Variants in TNR observed in about 807,000 individuals in gnomAD.
TNR encodes tenascin R.
In TNR, 45 loss-of-function variants were observed where a neutral mutation model predicts 150.4. That is an observed-to-expected ratio of 0.30 (90% CI 0.24 to 0.38). TNR has a LOEUF of 0.38. Ranked by LOEUF, TNR falls within the 10% of genes least tolerant of loss-of-function variation. The pLI is 1.00. For synonymous variants in TNR, 687 were observed against 678.4 expected, an observed-to-expected ratio of 1.01 and a Z score of -0.20; for missense variants, 1,544 against 1,759.1, an observed-to-expected ratio of 0.88 and a Z score of 2.19.
At chr1:175,490,443 T>C (rs1344796659) in intron 2 of TNR, among the ~76,000 whole-genome samples, 1 of 152,078 alleles carries the variant, frequency 6.6e-6, no homozygotes, top group African/African-American at 2.4e-5. Flanking sequence ...GACAACCTAC[T>C]GAATGGGAGA....
At chr1:175,328,696 C>T (rs994625125) in intron 21 of TNR, among the ~76,000 whole-genome samples, 14 of 152,162 alleles carry the variant, frequency 9.2e-5, no homozygotes, top group African/African-American at 1.4e-4. Context: ...ATGAGAATAG[C>T]GCACAGTCCA....
intron 14 of TNR, 114 bp downstream of exon 14, chr1:175,362,549 G>A (rs939061972): frequency 1.5e-6 from 2 of 1,344,168 alleles, no homozygotes; most frequent in African/African-American, 1.4e-5. Context: ...CAGTGAGTTG[G>A]AGGAGCACCC....
At chr1:175,364,515 G>C (rs921523802) in intron 12 of TNR, among the ~76,000 whole-genome samples, 1 of 152,162 alleles carries the variant, frequency 6.6e-6, no homozygotes, top group Non-Finnish European at 1.5e-5. Flanking sequence ...ATTCATCTCT[G>C]AGTGCCTGTG....
intron 2 of TNR, among the ~76,000 whole-genome samples, chr1:175,524,496 T>C (rs963402714): frequency 6.6e-6 from 1 of 151,672 alleles, no homozygotes; most frequent in Non-Finnish European, 1.5e-5. Context: ...TGAAAGAAAA[T>C]GCAAGTGAGG....
intron 1 of TNR, among the ~76,000 whole-genome samples, chr1:175,741,121 G>A (rs1198266786): frequency 1.3e-5 from 2 of 152,212 alleles, no homozygotes; most frequent in African/African-American, 4.8e-5. Flanking sequence ...TCCACACTGA[G>A]TTCCCTAAAA....
intron 1 of TNR, among the ~76,000 whole-genome samples, chr1:175,562,543 G>C (rs1398842343): frequency 6.6e-6 from 1 of 152,238 alleles, no homozygotes; most frequent in Non-Finnish European, 1.5e-5. Flanking sequence ...ATTCTAAATG[G>C]AAAGGTTATG....
At chr1:175,325,785 G>T (rs1329546030) in intron 21 of TNR, among the ~76,000 whole-genome samples, 1 of 151,448 alleles carries the variant, frequency 6.6e-6, no homozygotes, top group African/African-American at 2.4e-5. Flanking sequence ...ACCAAACACA[G>T]CATGTTCTCA....
chr1:175,414,955 A>G (rs1461312259), intron 2 of TNR, among the ~76,000 whole-genome samples: 2 of 149,230 alleles, frequency 1.3e-5, no homozygotes, highest in Admixed American at 6.7e-5. Flanking sequence ...AAAAAAAAAA[A>G]GGTGCAGGAG....
At chr1:175,742,801 T>C (rs1472343002) in intron 1 of TNR, among the ~76,000 whole-genome samples, 5 of 152,148 alleles carry the variant, frequency 3.3e-5, no homozygotes, top group African/African-American at 7.2e-5. Context: ...CCTTTGCAAC[T>C]CTTTCCCACC....
At chr1:175,388,609 G>T (rs554522896) in intron 7 of TNR, among the ~76,000 whole-genome samples, 25 of 152,204 alleles carry the variant, frequency 1.6e-4, no homozygotes, top group African/African-American at 5.3e-4. Flanking sequence ...TCTGCCCTTT[G>T]TTGGCCACTT....
At chr1:175,356,276 A>G (rs750373279) in intron 16 of TNR, 43 bp downstream of exon 16, 2 of 1,610,202 alleles carry the variant, frequency 1.2e-6, no homozygotes, top group African/African-American at 2.7e-5. Context: ...CATTTCCACA[A>G]AAGTCCCCAG....
At chr1:175,685,240 C>A (rs1666154245) in intron 1 of TNR, among the ~76,000 whole-genome samples, 1 of 152,114 alleles carries the variant, frequency 6.6e-6, no homozygotes, top group Non-Finnish European at 1.5e-5. Flanking sequence ...CTTGCTTTTT[C>A]CTAAGTACTC....
chr1:175,370,241 T>C (rs1001948023), intron 9 of TNR, among the ~76,000 whole-genome samples: 2 of 151,974 alleles, frequency 1.3e-5, no homozygotes, highest in South Asian at 4.2e-4. Context: ...ATGAGGATTA[T>C]ATGAGTCAAA....
intron 1 of TNR, among the ~76,000 whole-genome samples, chr1:175,718,261 C>A (rs564428898): frequency 1.3e-5 from 2 of 152,278 alleles, no homozygotes; most frequent in South Asian, 2.1e-4. Flanking sequence ...TTCCCCAGCA[C>A]CCCCTGTCCT....
At chr1:175,441,551 G>C (rs1655789238) in intron 2 of TNR, among the ~76,000 whole-genome samples, 1 of 152,078 alleles carries the variant, frequency 6.6e-6, no homozygotes, top group Non-Finnish European at 1.5e-5. Context: ...TTATAGACAT[G>C]GACAACATTC....
intron 2 of TNR, among the ~76,000 whole-genome samples, chr1:175,467,169 C>T (rs1657070963): frequency 6.6e-6 from 1 of 152,068 alleles, no homozygotes; most frequent in Non-Finnish European, 1.5e-5. Flanking sequence ...TTTCTAAGTG[C>T]CCTAGAGTCC....
intron 1 of TNR, among the ~76,000 whole-genome samples, chr1:175,531,873 G>T (rs1660083567): frequency 1.3e-5 from 2 of 152,248 alleles, no homozygotes; most frequent in Non-Finnish European, 2.9e-5. Flanking sequence ...TGTAGCATGG[G>T]CTCCCTGCCC....
chr1:175,583,229 A>G (rs10913019), intron 1 of TNR, among the ~76,000 whole-genome samples: 19,508 of 152,050 alleles, frequency 0.13, 1,530 homozygotes, highest in African/African-American at 0.22. Flanking sequence ...ACAGGTGGCC[A>G]TAGTTTGAAA....
chr1:175,437,994 T>C (rs548425660), intron 2 of TNR, among the ~76,000 whole-genome samples: 6 of 152,016 alleles, frequency 3.9e-5, no homozygotes, highest in Non-Finnish European at 8.8e-5. Flanking sequence ...TTCCAGTCAA[T>C]AGAAAAAGAG....
Sources: allele counts gnomAD v4.1 joint callset (sites outside exome capture counted in the v4.1 genomes callset), GRCh38; gene constraint gnomAD v4.1.1; transcripts MANE v1.5; gene names NCBI Gene and HGNC (gene_info 2026-07-23, HGNC 2026-07-21).